The following SGSM1 variants were observed in gnomAD, a reference collection of about 807,000 sequenced individuals.
SGSM1 encodes the protein small G protein signaling modulator 1.
Under a neutral mutation model 133.8 loss-of-function variants are expected in SGSM1, and 73 were observed. That is an observed-to-expected ratio of 0.55 (90% CI 0.45 to 0.66). The LOEUF (loss-of-function observed/expected upper bound fraction) is 0.66, where lower values mean the gene tolerates loss of function less well. Among genes scored for constraint, SGSM1 ranks in the 30% least tolerant of loss-of-function variants. SGSM1 has a pLI of 0.00. For synonymous variants in SGSM1, 563 were observed against 573.0 expected (o/e 0.98, Z 0.25); for missense variants, 1,213 against 1,448.1 (o/e 0.84, Z 2.64).
intron 17 of SGSM1, among the ~76,000 whole-genome samples, chr22:24,893,929 C>A (rs1259775701): frequency 6.6e-6 from 1 of 152,154 alleles, no homozygotes; most frequent in African/African-American, 2.4e-5. Context: ...ATATAAAGTG[C>A]CTGGCGCACT....
At chr22:24,874,600 G>A (rs147673261) in intron 12 of SGSM1, 99 of 1,561,298 alleles carry the variant, frequency 6.3e-5, no homozygotes, top group East Asian at 1.6e-4. Flanking sequence ...GGATCTCCCC[G>A]TCCCCAGGGG....
chr22:24,868,967 G>C, intron 12 of SGSM1, 112 bp downstream of exon 12: 1 of 1,459,716 alleles, frequency 6.9e-7, no homozygotes, highest in East Asian at 2.3e-5. Flanking sequence ...GCTAACAGGA[G>C]GATCTGGAAA....
At chr22:24,900,837 T>A (rs1933134461) in intron 19 of SGSM1, among the ~76,000 whole-genome samples, 1 of 152,236 alleles carries the variant, frequency 6.6e-6, no homozygotes, top group South Asian at 2.1e-4. Flanking sequence ...CTCTGAGTGT[T>A]TCATGATTTT....
chr22:24,840,924 C>T (rs754280452), intron 2 of SGSM1, among the ~76,000 whole-genome samples: 2 of 152,186 alleles, frequency 1.3e-5, no homozygotes, highest in African/African-American at 4.8e-5. Flanking sequence ...TATCTCGGCT[C>T]ACTGCAAGCT....
At chr22:24,847,962 C>T (rs1930246607) in intron 4 of SGSM1, among the ~76,000 whole-genome samples, 166 bp downstream of exon 4, 1 of 150,798 alleles carries the variant, frequency 6.6e-6, no homozygotes, top group South Asian at 2.1e-4. Flanking sequence ...ACGTGCCTCA[C>T]CCTCCACCAG....
At position 24,924,399 on chromosome 22, in the gene SGSM1, C is replaced by A; in HGVS notation, c.*125C>A. ...GGTGTCTGTTCACAAGCGTGGAGTT[C>A]AGTGCGCAAAGAAACTACCCTGACT... On this transcript the variant is annotated 3_prime_UTR_variant, in exon 25 of 25. Transcript: ENST00000400358. 1 of 774,272 alleles carries A rather than the reference C, an allele frequency of 1.3e-6. No individual in the cohort carries two copies. Among genetic ancestry groups the A allele is most frequent in the South Asian group, 1.5e-5 (1 of 65,342 alleles). The allele number at this position is 774,272 out of a possible 1,614,324, so 48.0% of individuals were successfully genotyped here.
At chr22:24,814,384 T>C (rs1927941646) in intron 2 of SGSM1, among the ~76,000 whole-genome samples, 1 of 152,062 alleles carries the variant, frequency 6.6e-6, no homozygotes, top group African/African-American at 2.4e-5. Context: ...CTTTTATGGA[T>C]AAGGAAATCG....
rs1934130595 is a variant in SGSM1, at chr22:24,924,560, CTTTG to C, written c.*291_*294del. The C allele has an allele frequency of 2.2e-6, 1 of 455,684 alleles. No homozygotes were observed. Among genetic ancestry groups the C allele is most frequent in the South Asian group, 2.7e-5 (1 of 37,558 alleles). The allele number at this position is 455,684 out of a possible 1,614,324, so 28.2% of individuals were successfully genotyped here. Reference sequence around the variant, plus strand: ...AGGTTGTTGGTGGAGGAGGAGCCATCTTTGTTTGCTGGTGCCCGGAATGGTCTCC... The same window carrying C: ...AGGTTGTTGGTGGAGGAGGAGCCATCTTTGCTGGTGCCCGGAATGGTCTCC... On this transcript the variant is annotated 3_prime_UTR_variant, in exon 25 of 25. Coordinates refer to ENST00000400358, the MANE Select transcript of SGSM1 (RefSeq NM_001098497.3).
intron 2 of SGSM1, among the ~76,000 whole-genome samples, chr22:24,823,324 C>T (rs973178617): frequency 6.6e-6 from 1 of 150,844 alleles, no homozygotes; most frequent in African/African-American, 2.4e-5. Context: ...ATTGTTTTGC[C>T]AGGCGCGGTG....
At chr22:24,821,033 T>C (rs1004713827) in intron 2 of SGSM1, among the ~76,000 whole-genome samples, 1 of 152,192 alleles carries the variant, frequency 6.6e-6, no homozygotes, top group Non-Finnish European at 1.5e-5. Context: ...TCCTTTCTTT[T>C]GCTTTCTCCT....
In SGSM1 at chr22:24,886,575, CTT is replaced by C. The variant is rs763527258; in HGVS notation, c.1642-23_1642-22del. 72 of 1,549,944 alleles carry C rather than the reference CTT, an allele frequency of 4.6e-5. No homozygotes were observed. The Admixed American group carries it at 5.3e-4, about 11-fold the overall frequency. ...CCCCTGGTTTTCTGTTGACCAAACT[CTT>C]TGCTCCTCTCCACCCACCACAGAGT... On this transcript the variant is annotated intron_variant, in intron 15 of 24. Transcript: ENST00000400358.
chr22:24,831,504 C>CT (rs1929118830), intron 2 of SGSM1, among the ~76,000 whole-genome samples: 1 of 152,276 alleles, frequency 6.6e-6, no homozygotes, highest in Admixed American at 6.5e-5. Flanking sequence ...AGCTGAGGGT[C>CT]TTTGACAGTT....
At chr22:24,892,135 G>A (rs75850566) in intron 16 of SGSM1, among the ~76,000 whole-genome samples, 14,947 of 152,084 alleles carry the variant, frequency 0.098, 959 homozygotes, top group African/African-American at 0.19. Flanking sequence ...TGAAAGTGGT[G>A]TAACCCTGGC....
At chr22:24,898,658 C>A (rs1933002052) in intron 19 of SGSM1, 99 bp downstream of exon 19, 3 of 1,210,098 alleles carry the variant, frequency 2.5e-6, no homozygotes, top group South Asian at 1.5e-5. Context: ...CGGAGTCAGA[C>A]CTCTGGTTCG....
chr22:24,892,122 A>C (rs76565341), intron 16 of SGSM1, among the ~76,000 whole-genome samples: 3,839 of 152,112 alleles, frequency 0.025, 148 homozygotes, highest in African/African-American at 0.087. Context: ...CCATGCATCT[A>C]GGTGAAAGTG....
At chr22:24,887,376 T>C (rs1932675107) in intron 16 of SGSM1, among the ~76,000 whole-genome samples, 1 of 152,182 alleles carries the variant, frequency 6.6e-6, no homozygotes, top group African/African-American at 2.4e-5. Context: ...TGTTTTGGGA[T>C]TGACTTTTTT....
intron 8 of SGSM1, among the ~76,000 whole-genome samples, chr22:24,857,721 A>G (rs577940008): frequency 6.6e-6 from 1 of 152,292 alleles, no homozygotes; most frequent in East Asian, 1.9e-4. Flanking sequence ...TGTTCCATCA[A>G]GAGAAGGAGT....
rs150497364 is a variant in SGSM1 at position 24,864,712 on chromosome 22, T to A, written c.927-2381T>A. ...ACTGATCGCAAACAGGCAAGAGGAATCTTTTGGGGGTGGTAAAAATGTTCT... is the reference window on the plus strand; with the variant it reads ...ACTGATCGCAAACAGGCAAGAGGAAACTTTTGGGGGTGGTAAAAATGTTCT... On this transcript the variant is annotated intron_variant, in intron 9 of 24. Coordinates refer to ENST00000400358, the MANE Select transcript of SGSM1 (RefSeq NM_001098497.3). Among the ~76,000 whole-genome samples, 13 of 152,302 alleles carry A rather than the reference T, an allele frequency of 8.5e-5. No individual in the cohort carries two copies. In the East Asian group the frequency reaches 2.5e-3, roughly 29 times the overall value.
chr22:24,882,724 C>G (rs1452551483), intron 14 of SGSM1, among the ~76,000 whole-genome samples: 1 of 152,074 alleles, frequency 6.6e-6, no homozygotes, highest in Non-Finnish European at 1.5e-5. Context: ...ATGAAAACTA[C>G]TTTTTTAGAT....
Sources: gnomAD v4.1 joint callset for allele counts (sites outside exome capture counted in the v4.1 genomes callset) on GRCh38, gnomAD v4.1.1 for gene constraint, MANE v1.5 for transcripts, NCBI Gene and HGNC (gene_info 2026-07-23, HGNC 2026-07-21) for gene names.